CES4A: variants seen among roughly 807,000 people sequenced by gnomAD.
CES4A encodes carboxylesterase 4A, also known as carboxylesterase 6.
CES4A carries 48 observed loss-of-function variants against 65.4 expected under a neutral mutation model. The ratio of observed to expected loss-of-function variants is 0.73; its 90% CI spans 0.58 to 0.93. The LOEUF (loss-of-function observed/expected upper bound fraction) is 0.93, where lower values mean the gene tolerates loss of function less well. Ranked by LOEUF, CES4A falls within the 40% of genes least tolerant of loss-of-function variation. The pLI is 0.00. For missense variants in CES4A, 685 were observed against 728.5 expected (o/e 0.94, Z 0.69); for synonymous variants, 247 against 281.8 (o/e 0.88, Z 1.24).
At chr16:66,988,624 C>T in exon 1 of CES4A, 1 of 1,464,588 alleles carries the variant, frequency 6.8e-7, no homozygotes. Context: ...AAGCTGGTTA[C>T]AATTCCTCCC....
chr16:67,006,305 G>T, intron 11 of CES4A, 86 bp from the exon 12 acceptor site: 1 of 1,413,428 alleles, frequency 7.1e-7, no homozygotes, highest in Non-Finnish European at 9.5e-7. Flanking sequence ...TTTCCTGCTT[G>T]GTGCAGGTGA....
At chr16:67,004,032 A>G in intron 8 of CES4A, 52 bp from the exon 9 acceptor site, 1 of 1,604,804 alleles carries the variant, frequency 6.2e-7, no homozygotes, top group South Asian at 1.1e-5. Flanking sequence ...GGTTGCAGGG[A>G]CCCTGGGAGG....
chr16:66,990,679 A>G (rs1322842459), intron 1 of CES4A, among the ~76,000 whole-genome samples: 3 of 152,190 alleles, frequency 2.0e-5, no homozygotes, highest in Non-Finnish European at 2.9e-5. Flanking sequence ...AGCCTGGGCA[A>G]CAGAGGGAGA....
At chr16:67,006,784 T>A (rs1965794378) in exon 13 of CES4A, 7 of 1,614,042 alleles carry the variant, frequency 4.3e-6, no homozygotes, top group Non-Finnish European at 5.9e-6. Context: ...AGCCTCCAGA[T>A]GATGAAATAC....
At chr16:66,996,056 T>C (rs1567573864) in intron 2 of CES4A, 1 of 659,912 alleles carries the variant, frequency 1.5e-6, no homozygotes, top group African/African-American at 1.8e-5. Context: ...TTTGTTTTTT[T>C]TAGATGGAGT....
chr16:66,990,990 G>C (rs1964342134), intron 1 of CES4A, among the ~76,000 whole-genome samples: 1 of 151,876 alleles, frequency 6.6e-6, no homozygotes, highest in African/African-American at 2.4e-5. Flanking sequence ...GAAGGCATGT[G>C]AACTTTTCTT....
At position 67,001,108 on chromosome 16, in the gene CES4A, C is replaced by T. The variant is rs914724857; in HGVS notation, c.536+118C>T. On this transcript the variant is annotated intron_variant, in intron 4 of 13. Coordinates refer to ENST00000648724, the Ensembl canonical transcript of CES4A. This position sits in a 1 kb window ranked among gnomAD's most constrained non-coding sequence, Gnocchi z 4.1. ...GGGGGGTGGGGCCGCGAGGCGGGGG[C>T]GGGGCCTGGCGCTCGGTGGAAGGGG... 3 of 353,824 alleles carry T rather than the reference C, an allele frequency of 8.5e-6. No individual in the cohort carries two copies. The East Asian group carries it at 1.6e-4, about 18-fold the overall frequency. The allele number at this position is 353,824 out of a possible 1,614,324, so 21.9% of individuals were successfully genotyped here.
chr16:66,995,001 C>CTAAA lies in CES4A; in HGVS notation c.59-605_59-602dup, dbSNP rs532604362. Among the ~76,000 whole-genome samples the CTAAA allele has an allele frequency of 7.3e-3, 1,100 of 150,822 alleles. 15 individuals carry two copies. Among genetic ancestry groups the CTAAA allele is most frequent in the Non-Finnish European group, 8.2e-3 (552 of 67,730 alleles). On this transcript the variant is annotated intron_variant, in intron 1 of 13. Coordinates refer to ENST00000648724, the Ensembl canonical transcript of CES4A. ...CCTGGGCGATAGAGAAAGACCCCAT[C>CTAAA]TAAATAAATAAATAAATAAATAAAT...
chr16:67,003,358 A>C lies in CES4A; in HGVS notation c.898A>C (p.Met300Leu). 6.2e-7 allele frequency: 1 copy of C among 1,613,588 alleles called. No individual in the cohort carries two copies. The highest frequency in any genetic ancestry group is 1.1e-5 in the South Asian group (1 of 91,058). The change falls in exon 7 of 14, where the codon ATG becomes CTG. Residue 300 changes from methionine to leucine, a missense_variant and splice_region_variant. By Grantham distance (15) the Met-to-Leu change is conservative. Coordinates refer to ENST00000648724, the Ensembl canonical transcript of CES4A. The surrounding 1 kb of genome is among the most constrained non-coding windows in gnomAD (Gnocchi z 4.2). ...CAAGGTGATGCGTGTGTCCAACAAG[A>C]TGGTAGGTAGAACATTCCAGCTGCC...
intron 1 of CES4A, among the ~76,000 whole-genome samples, chr16:66,994,848 A>T (rs1174114695): frequency 6.6e-6 from 1 of 151,150 alleles, no homozygotes; most frequent in Non-Finnish European, 1.5e-5. Context: ...TCAAAAAAAA[A>T]AAAAAATTAG....
chr16:67,009,144 G>C (rs771781992), exon 14 of CES4A: 3 of 1,611,884 alleles, frequency 1.9e-6, no homozygotes, highest in Non-Finnish European at 2.5e-6. Flanking sequence ...CAATTCTAAG[G>C]GTGGCTATGC....
Position 67,001,281 on chromosome 16 carries a change from C to T in CES4A, c.537-27C>T, listed in dbSNP as rs1965324567. Reference sequence around the variant, plus strand: ...GCGCCCCGACTGTCGAGGCCCGGGACCCTGACAGTGAACCCCACACGCCCA... The same window carrying T: ...GCGCCCCGACTGTCGAGGCCCGGGATCCTGACAGTGAACCCCACACGCCCA... On this transcript the variant is annotated intron_variant, in intron 4 of 13. Transcript: ENST00000648724. The surrounding 1 kb of genome is among the most constrained non-coding windows in gnomAD (Gnocchi z 4.1). 1.3e-6 allele frequency: 2 copies of T among 1,570,862 alleles called. No homozygotes were observed. The highest frequency in any genetic ancestry group is 2.3e-5 in the East Asian group (1 of 44,430).
chr16:67,003,671 C>A lies in CES4A; in HGVS notation c.939+118C>A. ...TCCCTTCCCTAGTGGAGCTGATGTT[C>A]CAGTGGGGAAGGAGAATAAACCCTA... On this transcript the variant is annotated intron_variant, in intron 8 of 13. Transcript: ENST00000648724. This position sits in a 1 kb window ranked among gnomAD's most constrained non-coding sequence, Gnocchi z 4.2. The A allele has an allele frequency of 3.6e-6, 3 of 829,486 alleles. No individual in the cohort carries two copies. The highest frequency in any genetic ancestry group is 1.8e-5 in the Admixed American group (1 of 55,210). The allele number at this position is 829,486 out of a possible 1,614,324, so 51.4% of individuals were successfully genotyped here. A position where few individuals can be genotyped will look rare whatever the true frequency, so the allele number is the denominator to read the frequency against.
At position 67,000,999 on chromosome 16, in the gene CES4A, G is replaced by T; in HGVS notation, c.536+9G>T. ...ATCTTCGGCTTCCTGAGGTGGCGGG[G>T]CCGGTACCCTTTGGGACCGCAGCTG... On this transcript the variant is annotated intron_variant, in intron 4 of 13. Coordinates refer to ENST00000648724, the Ensembl canonical transcript of CES4A. This position sits in a 1 kb window ranked among gnomAD's most constrained non-coding sequence, Gnocchi z 4.2. 1 of 1,612,038 alleles carries T rather than the reference G, an allele frequency of 6.2e-7. No homozygotes were observed. Among genetic ancestry groups the T allele is most frequent in the Non-Finnish European group, 8.5e-7 (1 of 1,179,366 alleles).
intron 1 of CES4A, among the ~76,000 whole-genome samples, chr16:66,989,861 A>T (rs1964237163): frequency 1.3e-5 from 2 of 151,772 alleles, no homozygotes; most frequent in Non-Finnish European, 2.9e-5. Flanking sequence ...ATCTCAAAAA[A>T]AAAAACAAAA....
intron 1 of CES4A, among the ~76,000 whole-genome samples, chr16:66,990,437 C>T (rs2145568305): frequency 6.6e-6 from 1 of 152,230 alleles, no homozygotes; most frequent in Middle Eastern, 3.4e-3. Flanking sequence ...TGGCTCATGT[C>T]TATAATCCCA....
downstream of CES4A, among the ~76,000 whole-genome samples, chr16:67,010,312 C>T (rs1966067344): frequency 6.6e-6 from 1 of 151,894 alleles, no homozygotes; most frequent in African/African-American, 2.4e-5. Flanking sequence ...GTAATCCACC[C>T]GTCTCAGCCT....
rs1362150166 is a variant in CES4A at position 67,001,939 on chromosome 16, G to T, written c.690+478G>T. Among the ~76,000 whole-genome samples, 1 of 152,260 alleles carries T rather than the reference G, an allele frequency of 6.6e-6. No homozygotes were observed. The stretch of plus-strand genomic sequence containing the variant: ...CCTGTGAGGGGCATATGGCTGGGAA[G>T]TGAACACATCACACAGGACATTGCT... On this transcript the variant is annotated intron_variant, in intron 5 of 13. Coordinates refer to ENST00000648724, the Ensembl canonical transcript of CES4A. The surrounding 1 kb of genome is among the most constrained non-coding windows in gnomAD (Gnocchi z 4.1).
exon 14 of CES4A, chr16:67,009,083 A>T: frequency 1.2e-6 from 2 of 1,614,214 alleles, no homozygotes; most frequent in South Asian, 1.1e-5. Context: ...GGAGAAGAAG[A>T]TGGCTTTTTG....
Sources: allele counts gnomAD v4.1 joint callset (sites outside exome capture counted in the v4.1 genomes callset), GRCh38; gene constraint gnomAD v4.1.1; non-coding constraint Gnocchi (gnomAD v3.1); transcripts MANE v1.5; gene names NCBI Gene and HGNC (gene_info 2026-07-23, HGNC 2026-07-21).